CERK: variants seen among roughly 807,000 people sequenced by gnomAD.
CERK encodes acylsphingosine kinase.
A neutral mutation model predicts 63.4 loss-of-function variants in CERK; 39 were observed. That is an observed-to-expected ratio of 0.61 (90% CI 0.48 to 0.80). CERK has a LOEUF of 0.80. Ranked by LOEUF, CERK falls within the 30% of genes least tolerant of loss-of-function variation. CERK has a pLI of 0.00. For missense variants in CERK, 670 were observed against 714.1 expected (o/e 0.94, Z 0.70); for synonymous variants, 302 against 280.0 (o/e 1.08, Z -0.78).
At chr22:46,705,482 GC>G (rs1217823842) in intron 6 of CERK, among the ~76,000 whole-genome samples, 1 of 152,114 alleles carries the variant, frequency 6.6e-6, no homozygotes, top group African/African-American at 2.4e-5. Flanking sequence ...GACCACCCTG[GC>G]CAACGTAGCA....
intron 8 of CERK, among the ~76,000 whole-genome samples, chr22:46,697,538 CT>C (rs1303309721): frequency 6.6e-6 from 1 of 151,982 alleles, no homozygotes; most frequent in Non-Finnish European, 1.5e-5. Flanking sequence ...AGAGGTCTCG[CT>C]CTGTTGCCCA....
At chr22:46,734,073 T>C (rs2082960090) in intron 1 of CERK, among the ~76,000 whole-genome samples, 2 of 148,610 alleles carry the variant, frequency 1.3e-5, no homozygotes, top group Non-Finnish European at 3.0e-5. Flanking sequence ...CATACATATA[T>C]ATATATATAT....
At chr22:46,719,067 C>CA (rs999510518) in intron 3 of CERK, among the ~76,000 whole-genome samples, 3 of 151,328 alleles carry the variant, frequency 2.0e-5, no homozygotes, top group African/African-American at 4.9e-5. Flanking sequence ...GACCCTGTCT[C>CA]AAAAAAAATT....
At chr22:46,699,168 C>T in intron 8 of CERK, 145 bp downstream of exon 8, 1 of 838,908 alleles carries the variant, frequency 1.2e-6, no homozygotes, top group Non-Finnish European at 1.9e-6. Flanking sequence ...CTGGCCCCGG[C>T]ACATTTCATG....
chr22:46,720,270 G>A (rs1344308369), intron 2 of CERK, 62 bp from the exon 3 acceptor site: 4 of 1,562,162 alleles, frequency 2.6e-6, no homozygotes, highest in Non-Finnish European at 3.5e-6. Context: ...AAAACCTCAA[G>A]TGAATATGCA....
intron 10 of CERK, among the ~76,000 whole-genome samples, chr22:46,692,902 T>C (rs1394045997): frequency 2.5e-5 from 1 of 40,320 alleles, no homozygotes; most frequent in Admixed American, 4.2e-4. Context: ...TGAAACTCCA[T>C]CCAAAAAAAA....
intron 1 of CERK, among the ~76,000 whole-genome samples, chr22:46,722,819 A>C (rs374748516): frequency 1.3e-5 from 2 of 152,298 alleles, no homozygotes; most frequent in East Asian, 3.9e-4. Context: ...CAGGCAGTCC[A>C]CGTGCGTCCT....
At chr22:46,687,337 C>G in intron 12 of CERK, 131 bp from the exon 13 acceptor site, 1 of 363,490 alleles carries the variant, frequency 2.8e-6, no homozygotes, top group East Asian at 6.8e-5. Flanking sequence ...GAGCACCGCT[C>G]TTGGACAGGG....
chr22:46,696,843 G>T (rs373144650), intron 8 of CERK, among the ~76,000 whole-genome samples: 1 of 152,144 alleles, frequency 6.6e-6, no homozygotes, highest in Non-Finnish European at 1.5e-5. Flanking sequence ...AGGGCAAAGG[G>T]GGGGGCCAGG....
chr22:46,687,760 G>T (rs1026256904), intron 12 of CERK, among the ~76,000 whole-genome samples: 5 of 152,196 alleles, frequency 3.3e-5, no homozygotes, highest in African/African-American at 1.2e-4. Flanking sequence ...GTCCCTGGAG[G>T]TCCCCTGCCC....
chr22:46,733,204 G>C (rs1234350435), intron 1 of CERK, among the ~76,000 whole-genome samples: 2 of 72,458 alleles, frequency 2.8e-5, no homozygotes, highest in Non-Finnish European at 5.7e-5. Context: ...GTGGGACTCT[G>C]TCTCAAAAAA....
intron 5 of CERK, 113 bp downstream of exon 5, chr22:46,710,973 T>C: frequency 1.3e-6 from 1 of 769,334 alleles, no homozygotes; most frequent in Middle Eastern, 2.4e-4. Flanking sequence ...TTACAATTGG[T>C]CGTGGGTGGA....
At chr22:46,693,291 A>C in intron 10 of CERK, 136 bp downstream of exon 10, 1 of 701,860 alleles carries the variant, frequency 1.4e-6, no homozygotes, top group South Asian at 1.7e-5. Flanking sequence ...GCTAAGAAGA[A>C]ATGGATGCCT....
chr22:46,694,387 T>C (rs1195355418), intron 9 of CERK, among the ~76,000 whole-genome samples: 1 of 152,132 alleles, frequency 6.6e-6, no homozygotes, highest in Admixed American at 6.6e-5. Context: ...GGCGGAGATA[T>C]GCCAGGTGAA....
chr22:46,716,741 T>C (rs9616105), intron 3 of CERK, among the ~76,000 whole-genome samples: 25,270 of 151,148 alleles, frequency 0.17, 3,247 homozygotes, highest in African/African-American at 0.36. Context: ...GAGTTCAAGA[T>C]CAGCCTGGCC....
intron 1 of CERK, among the ~76,000 whole-genome samples, chr22:46,727,425 G>A (rs1020653748): frequency 1.3e-5 from 2 of 149,612 alleles, no homozygotes; most frequent in Non-Finnish European, 3.0e-5. Context: ...GACCACAGGT[G>A]TGTGCCACCA....
At chr22:46,723,963 A>G (rs933747516) in intron 1 of CERK, among the ~76,000 whole-genome samples, 1 of 152,024 alleles carries the variant, frequency 6.6e-6, no homozygotes, top group Non-Finnish European at 1.5e-5. Flanking sequence ...CTCCCACAGT[A>G]CTGGGATTAC....
intron 6 of CERK, among the ~76,000 whole-genome samples, chr22:46,705,887 G>C (rs1007078001): frequency 2.0e-5 from 3 of 151,736 alleles, no homozygotes; most frequent in Non-Finnish European, 4.4e-5. Flanking sequence ...TGAAAAAAAA[G>C]TTGGCCGAGT....
At chr22:46,721,445 C>T (rs775931339) in intron 1 of CERK, among the ~76,000 whole-genome samples, 4 of 151,854 alleles carry the variant, frequency 2.6e-5, no homozygotes, top group Admixed American at 6.6e-5. Flanking sequence ...CCCCCTCCCC[C>T]AAAAAGGAAG....
Sources: gnomAD v4.1 joint callset for allele counts (sites outside exome capture counted in the v4.1 genomes callset) on GRCh38, gnomAD v4.1.1 for gene constraint, MANE v1.5 for transcripts, NCBI Gene and HGNC (gene_info 2026-07-23, HGNC 2026-07-21) for gene names.